The following FHIP1A variants were observed in gnomAD, a reference collection of about 807,000 sequenced individuals.
The protein encoded by FHIP1A is FHF complex subunit HOOK interacting protein 1A, also known as FHF complex subunit HOOK-interacting protein 1A.
Under a neutral mutation model 88.6 loss-of-function variants are expected in FHIP1A, and 61 were observed. That is an observed-to-expected ratio of 0.69 (90% CI 0.56 to 0.85). The LOEUF is 0.85. Among genes scored for constraint, FHIP1A ranks in the 40% least tolerant of loss-of-function variants. The probability of loss-of-function intolerance (pLI) is 0.00; values close to 1 mark genes in which losing one functional copy is unlikely to be tolerated. For synonymous variants in FHIP1A, 478 were observed against 496.0 expected, an observed-to-expected ratio of 0.96 and a Z score of 0.48; for missense variants, 1,154 against 1,273.5, an observed-to-expected ratio of 0.91 and a Z score of 1.43.
intron 2 of FHIP1A, among the ~76,000 whole-genome samples, chr4:151,464,946 T>C (rs1341807203): frequency 6.6e-6 from 1 of 152,142 alleles, no homozygotes; most frequent in Admixed American, 6.5e-5. Context: ...CCATGGCTCA[T>C]GGCTGTAATC....
intron 1 of FHIP1A, among the ~76,000 whole-genome samples, chr4:151,414,370 A>G (rs1029924023): frequency 6.6e-6 from 1 of 152,154 alleles, no homozygotes; most frequent in African/African-American, 2.4e-5. Context: ...AGTTTTTACA[A>G]TCTTTGAACA....
At chr4:151,409,731 C>G (rs1353515235) in intron 1 of FHIP1A, among the ~76,000 whole-genome samples, 1 of 152,008 alleles carries the variant, frequency 6.6e-6, no homozygotes, top group Non-Finnish European at 1.5e-5. Context: ...GGTGACTGAC[C>G]CTGGGAGAGA....
At chr4:151,449,327 T>G (rs531903330) in intron 1 of FHIP1A, among the ~76,000 whole-genome samples, 1 of 152,228 alleles carries the variant, frequency 6.6e-6, no homozygotes, top group South Asian at 2.1e-4. Context: ...TATGGAGAAG[T>G]GAAGTAGCTT....
chr4:151,504,198 G>A (rs892800436), intron 3 of FHIP1A, among the ~76,000 whole-genome samples: 1 of 152,182 alleles, frequency 6.6e-6, no homozygotes, highest in Non-Finnish European at 1.5e-5. Flanking sequence ...CAGGGAAAAT[G>A]TTTGCAACTC....
At chr4:151,469,024 G>T (rs1166525560) in intron 2 of FHIP1A, among the ~76,000 whole-genome samples, 1 of 152,162 alleles carries the variant, frequency 6.6e-6, no homozygotes, top group East Asian at 1.9e-4. Context: ...GCTTGAATAT[G>T]TGGTTATACT....
chr4:151,455,541 A>G (rs1468266756), intron 2 of FHIP1A, among the ~76,000 whole-genome samples: 1 of 152,152 alleles, frequency 6.6e-6, no homozygotes. Context: ...CTAGGAGTCA[A>G]TTTCATTACT....
rs148654368 is a variant in FHIP1A, at chr4:151,479,207, T to A, written c.-247-3317T>A. 3.9e-3 allele frequency among the ~76,000 whole-genome samples: 598 copies of A among 152,214 alleles called. 1 individual carries two copies. The highest frequency in any genetic ancestry group is 6.9e-3 in the Non-Finnish European group (470 of 67,964). ...CTTAATATGGAGAAGACAGTATTAC[T>A]GTGGGGCTTAGAAGACATGGCTTCT... On this transcript the variant is annotated intron_variant, in intron 2 of 13. Coordinates refer to ENST00000435205, the MANE Select transcript of FHIP1A (RefSeq NM_001109977.3).
At chr4:151,418,656 G>A (rs1732992119) in intron 1 of FHIP1A, among the ~76,000 whole-genome samples, 1 of 152,164 alleles carries the variant, frequency 6.6e-6, no homozygotes, top group Non-Finnish European at 1.5e-5. Flanking sequence ...TGGGTATACA[G>A]ATAATTCCTA....
At chr4:151,629,973 T>C in intron 8 of FHIP1A, 104 bp downstream of exon 8, 1 of 958,944 alleles carries the variant, frequency 1.0e-6, no homozygotes, top group Non-Finnish European at 1.5e-6. Flanking sequence ...CTCTCCTTTT[T>C]TTTTCTTTTT....
intron 3 of FHIP1A, among the ~76,000 whole-genome samples, chr4:151,526,086 T>A (rs888477825): frequency 1.3e-5 from 2 of 152,156 alleles, no homozygotes; most frequent in African/African-American, 2.4e-5. Flanking sequence ...AAGGTCACAG[T>A]TCAACAGGAT....
At chr4:151,517,046 C>G (rs1385472742) in intron 3 of FHIP1A, among the ~76,000 whole-genome samples, 1 of 152,134 alleles carries the variant, frequency 6.6e-6, no homozygotes, top group Non-Finnish European at 1.5e-5. Context: ...AGACTTGGAA[C>G]CAACCCAAAT....
intron 2 of FHIP1A, among the ~76,000 whole-genome samples, chr4:151,482,062 T>C (rs535132314): frequency 6.6e-6 from 1 of 152,170 alleles, no homozygotes; most frequent in Non-Finnish European, 1.5e-5. Context: ...GAATTGTCAG[T>C]ATCTAGAGAG....
At chr4:151,554,123 G>A (rs569793599) in intron 3 of FHIP1A, among the ~76,000 whole-genome samples, 29 of 152,190 alleles carry the variant, frequency 1.9e-4, no homozygotes, top group Non-Finnish European at 3.7e-4. Context: ...CTTTTCTCTA[G>A]GCTTCAGTTT....
intron 1 of FHIP1A, among the ~76,000 whole-genome samples, chr4:151,427,979 T>G (rs1398798110): frequency 1.3e-5 from 2 of 152,188 alleles, no homozygotes; most frequent in Non-Finnish European, 2.9e-5. Flanking sequence ...ATCACCCAAT[T>G]TATGTACCCT....
chr4:151,625,715 C>T (rs573960524), intron 7 of FHIP1A, among the ~76,000 whole-genome samples: 1 of 152,158 alleles, frequency 6.6e-6, no homozygotes, highest in African/African-American at 2.4e-5. Context: ...TCCCACCCAC[C>T]TCCTTTTTAA....
intron 8 of FHIP1A, among the ~76,000 whole-genome samples, chr4:151,633,668 G>A (rs1428903986): frequency 6.6e-6 from 1 of 151,924 alleles, no homozygotes; most frequent in African/African-American, 2.4e-5. Flanking sequence ...GTCAGTCAGT[G>A]TAATATACCA....
chr4:151,488,593 GA>G (rs770565610), intron 3 of FHIP1A, among the ~76,000 whole-genome samples: 1 of 152,220 alleles, frequency 6.6e-6, no homozygotes, highest in Non-Finnish European at 1.5e-5. Flanking sequence ...ATAGTGCTGT[GA>G]TTAGCGTGTG....
At chr4:151,559,391 G>C (rs1481735501) in intron 3 of FHIP1A, among the ~76,000 whole-genome samples, 2 of 152,186 alleles carry the variant, frequency 1.3e-5, no homozygotes, top group Non-Finnish European at 2.9e-5. Context: ...TTTGAAAAGT[G>C]AGTCTTCTTT....
At chr4:151,433,530 A>C (rs1217743024) in intron 1 of FHIP1A, among the ~76,000 whole-genome samples, 1 of 152,106 alleles carries the variant, frequency 6.6e-6, no homozygotes, top group African/African-American at 2.4e-5. Flanking sequence ...TTGCGGAGTT[A>C]ATGGCGCTGG....
Sources: gnomAD v4.1 joint callset for allele counts (sites outside exome capture counted in the v4.1 genomes callset) on GRCh38, gnomAD v4.1.1 for gene constraint, MANE v1.5 for transcripts, NCBI Gene and HGNC (gene_info 2026-07-23, HGNC 2026-07-21) for gene names.